Variants in SIGLEC14 observed in about 807,000 individuals in gnomAD.
SIGLEC14 encodes sialic acid-binding Ig-like lectin 14.
SIGLEC14 carries 11 observed loss-of-function variants against 34.2 expected under a neutral mutation model. That is an observed-to-expected ratio of 0.32 (90% CI 0.20 to 0.53). The LOEUF is 0.53. SIGLEC14 is among the 20% of genes least tolerant of loss of function. The pLI, the probability that SIGLEC14 is intolerant of heterozygous loss-of-function variation, is 0.95. For synonymous variants in SIGLEC14, 99 were observed against 179.7 expected (o/e 0.55, Z 3.59); for missense variants, 264 against 439.0 (o/e 0.60, Z 3.56).
In SIGLEC14 at chr19:51,641,335, G is replaced by A. The variant is rs1259816081; in HGVS notation, c.*2020C>T. ...CTTAACCAATATAAAAGACTCTCAC[G>A]GTTGGTGAAAGTGAAAGTTAGTTCA... is the stretch of plus-strand genomic sequence containing the variant. On this transcript the variant is annotated 3_prime_UTR_variant, in exon 7 of 7. Coordinates refer to ENST00000360844, the MANE Select transcript of SIGLEC14 (RefSeq NM_001098612.3). Among the ~76,000 whole-genome samples the A allele has an allele frequency of 1.4e-5, 2 of 139,466 alleles. No homozygotes were observed. The highest frequency in any genetic ancestry group is 3.1e-5 in the Non-Finnish European group (2 of 65,070). The allele number at this position is 139,466 out of a possible 152,430, so 91.5% of individuals were successfully genotyped here.
chr19:51,645,901 C>G lies in SIGLEC14; in HGVS notation c.581G>C (p.Arg194Pro). Residue 194 changes from arginine (R) to proline (P), a missense_variant, in exon 3 of 7, where the codon CGC (arginine) becomes CCC (proline). Coordinates refer to ENST00000360844, the MANE Select transcript of SIGLEC14 (RefSeq NM_001098612.3). ...GGGGGTGAGGGTGAGCTCCGAGGAG[C>G]GGGTGGTCTCGGGGTCCAGGGGGCT... ...ALSPLDPETT[R>P]SSELTLTPRP... is the part of the protein sequence containing the mutation. The G allele has an allele frequency of 1.3e-6, 2 of 1,506,576 alleles. No homozygotes were observed. Among genetic ancestry groups the G allele is most frequent in the Admixed American group, 3.6e-5 (2 of 55,192 alleles). The allele number at this position is 1,506,576 out of a possible 1,614,324, so 93.3% of individuals were successfully genotyped here. A position where few individuals can be genotyped will look rare whatever the true frequency, so the allele number is the denominator to read the frequency against.
At chr19:51,645,585 G>C in intron 3 of SIGLEC14, 55 bp from the exon 4 acceptor site, 1 of 1,498,258 alleles carries the variant, frequency 6.7e-7, no homozygotes, top group Non-Finnish European at 9.0e-7. Flanking sequence ...GATGGGCGTG[G>C]TCCCGGGAGG....
chr19:51,643,471 TGGGGCAGGACAGCTCA>T, intron 6 of SIGLEC14, 50 bp downstream of exon 6: 1 of 1,197,100 alleles, frequency 8.4e-7, no homozygotes, highest in Non-Finnish European at 1.1e-6. Flanking sequence ...TGAGCTGTCC[TGGGGCAGGACAGCTCA>T]GCCCCACCTG....
Position 51,645,747 on chromosome 19 carries a change from C to T in SIGLEC14, c.700+35G>A. On this transcript the variant is annotated intron_variant, in intron 3 of 6. Coordinates refer to ENST00000360844, the MANE Select transcript of SIGLEC14 (RefSeq NM_001098612.3). Reference sequence around the variant, plus strand: ...ACACACCCCCCTCACTCCCACTGCCCTTGGGGACTCAGCTGTGTCCCCAGC... The same window carrying T: ...ACACACCCCCCTCACTCCCACTGCCTTTGGGGACTCAGCTGTGTCCCCAGC... The T allele has an allele frequency of 1.3e-6, 2 of 1,503,436 alleles. 1 individual carries two copies. Among genetic ancestry groups the T allele is most frequent in the Non-Finnish European group, 1.8e-6 (2 of 1,125,908 alleles). The allele number at this position is 1,503,436 out of a possible 1,614,324, so 93.1% of individuals were successfully genotyped here.
In SIGLEC14 at chr19:51,643,378, T is replaced by C. The variant is rs1407552386; in HGVS notation, c.1168A>G (p.Ser390Gly). 2.0e-6 allele frequency: 3 copies of C among 1,520,942 alleles called. No homozygotes were observed. The Admixed American group carries it at 5.3e-5, about 27-fold the overall frequency. The allele number at this position is 1,520,942 out of a possible 1,614,324, so 94.2% of individuals were successfully genotyped here. Residue 390 changes from serine to glycine, a missense_variant, in exon 7 of 7, where the codon AGC becomes GGC. Around this residue, in one of 5 missense-constraint regions of SIGLEC14, gnomAD observed 149 missense variants for 184.4 expected, o/e 0.81. Coordinates refer to ENST00000360844, the MANE Select transcript of SIGLEC14 (RefSeq NM_001098612.3). ...YYTRCGGPQQ[S>G]RAERPG is the part of the protein sequence containing the mutation. Reference sequence around the variant, plus strand: ...GCTCAGCCAGGCCTCTCAGCCCTGCTCTGCTGGGGGCCTCCACACCTGCAG... The same window carrying C: ...GCTCAGCCAGGCCTCTCAGCCCTGCCCTGCTGGGGGCCTCCACACCTGCAG...
chr19:51,643,418 T>C (rs775772798), intron 6 of SIGLEC14, 21 bp from the exon 7 acceptor site: 1 of 1,492,460 alleles, frequency 6.7e-7, no homozygotes, highest in Non-Finnish European at 8.9e-7. Flanking sequence ...AACATGGGCC[T>C]CAGATCAGCA....
rs531839585 is a variant in SIGLEC14, at chr19:51,642,494, T to C, written c.*861A>G. 1 of 109,322 alleles carries C rather than the reference T, an allele frequency of 9.1e-6. No individual in the cohort carries two copies. The highest frequency in any genetic ancestry group is 3.1e-4 in the South Asian group (1 of 3,210). The allele number at this position is 109,322 out of a possible 1,614,324, so 6.8% of individuals were successfully genotyped here. A position where few individuals can be genotyped will look rare whatever the true frequency, so the allele number is the denominator to read the frequency against. On this transcript the variant is annotated 3_prime_UTR_variant, in exon 7 of 7. Coordinates refer to ENST00000360844, the MANE Select transcript of SIGLEC14 (RefSeq NM_001098612.3). Reference sequence around the variant, plus strand: ...CCAGCCTGGGCAACAAGATAGAAACTCTGTCTCAAAGAAAAAAAAAAAAGA... The same window carrying C: ...CCAGCCTGGGCAACAAGATAGAAACCCTGTCTCAAAGAAAAAAAAAAAAGA...
In SIGLEC14 at chr19:51,643,895, G is replaced by A. The variant is rs1312479395; in HGVS notation, c.896C>T (p.Ser299Leu). 6.5e-7 allele frequency: 1 copy of A among 1,534,074 alleles called. No homozygotes were observed. Residue 299 changes from serine to leucine, a missense_variant, in exon 5 of 7, where the codon TCA becomes TTA. This residue lies in a region of SIGLEC14 where 149 missense variants were observed against 184.4 expected (regional missense o/e 0.81). Coordinates refer to ENST00000360844, the MANE Select transcript of SIGLEC14 (RefSeq NM_001098612.3). Reference protein sequence around the residue: ...EGKALNPSQTSMSGTLELPNI... With the variant: ...EGKALNPSQTLMSGTLELPNI... ...AGGCAGCTCCAGGGTCCCAGACATT[G>A]AGGTCTGGGAAGGATTGAGGGCTTT...
Position 51,639,514 on chromosome 19 carries a change from C to T in SIGLEC14, c.*3841G>A, listed in dbSNP as rs905742473. 9 of 139,748 alleles carry T rather than the reference C, an allele frequency of 6.4e-5. 1 individual carries two copies. Among genetic ancestry groups the T allele is most frequent in the African/African-American group, 2.4e-4 (9 of 36,990 alleles). The allele number at this position is 139,748 out of a possible 1,614,324, so 8.7% of individuals were successfully genotyped here. A position where few individuals can be genotyped will look rare whatever the true frequency, so the allele number is the denominator to read the frequency against. Reference sequence around the variant, plus strand: ...CAACAGAAATTTATTTCTCATAATTCTGGAGGTCGGGAAGTCCAAGATCAA... The same window carrying T: ...CAACAGAAATTTATTTCTCATAATTTTGGAGGTCGGGAAGTCCAAGATCAA... On this transcript the variant is annotated 3_prime_UTR_variant, in exon 7 of 7. Transcript: ENST00000360844.
chr19:51,643,460 CTG>C, intron 6 of SIGLEC14, 63 bp from the exon 7 acceptor site: 1 of 1,244,804 alleles, frequency 8.0e-7, no homozygotes, highest in Non-Finnish European at 1.0e-6. Flanking sequence ...CCAGGTGGGG[CTG>C]AGCTGTCCTG....
chr19:51,643,141 A>C lies in SIGLEC14; in HGVS notation c.*214T>G. The C allele has an allele frequency of 2.1e-6, 1 of 471,364 alleles. No homozygotes were observed. Among genetic ancestry groups the C allele is most frequent in the East Asian group, 9.0e-5 (1 of 11,124 alleles). 29.2% of individuals were successfully genotyped at this position (471,364 alleles called of 1,614,324 possible). A position where few individuals can be genotyped will look rare whatever the true frequency, so the allele number is the denominator to read the frequency against. On this transcript the variant is annotated 3_prime_UTR_variant, in exon 7 of 7. Coordinates refer to ENST00000360844, the MANE Select transcript of SIGLEC14 (RefSeq NM_001098612.3). ...GTGGATGGAGAGGGAAGAGAAGGGC[A>C]GGTGGAGAGGGGATGGGGTGCAGAT...
intron 4 of SIGLEC14, among the ~76,000 whole-genome samples, chr19:51,645,135 A>G (rs1345737008): frequency 7.2e-6 from 1 of 139,260 alleles, no homozygotes; most frequent in Admixed American, 6.9e-5. Context: ...CAGTTTTGCC[A>G]GATAAAAGGA....
rs1769117881 is a variant in SIGLEC14, at chr19:51,643,930, G to C, written c.861C>G (p.Phe287Leu). 1.3e-6 allele frequency: 2 copies of C among 1,534,056 alleles called. No individual in the cohort carries two copies. The highest frequency in any genetic ancestry group is 1.7e-5 in the Admixed American group (1 of 58,034). Reference sequence around the variant, plus strand: ...AAGGATTGAGGGCTTTTCCCTCCCGGAACCAGCTCAGTGAGGCAGGGGGGT... The same window carrying C: ...AAGGATTGAGGGCTTTTCCCTCCCGCAACCAGCTCAGTGAGGCAGGGGGGT... ...DSNPPASLSW[F>L]REGKALNPSQ... The change falls in exon 5 of 7, where the codon TTC becomes TTG. Residue 287 changes from phenylalanine to leucine, a missense_variant. By Grantham distance (22) the Phe-to-Leu change is conservative. Around this residue, in one of 5 missense-constraint regions of SIGLEC14, gnomAD observed 149 missense variants for 184.4 expected, o/e 0.81. Transcript: ENST00000360844.
chr19:51,643,976 A>G lies in SIGLEC14; in HGVS notation c.815T>C (p.Leu272Pro), dbSNP rs780156444. 9 of 1,532,372 alleles carry G rather than the reference A, an allele frequency of 5.9e-6. 2 individuals are homozygous for G. In the African/African-American group the frequency reaches 1.2e-4, roughly 20 times the overall value. 94.9% of individuals were successfully genotyped at this position (1,532,372 alleles called of 1,614,324 possible). ...VPIQEGQSLF[L>P]ACTVDSNPPA... ...GGGGTTGCTGTCAACTGTGCAGGCG[A>G]GGAACAGGGACTGGCCCTCCTGGAT... is the stretch of plus-strand genomic sequence containing the variant. The change falls in exon 5 of 7, where the codon CTC becomes CCC. Residue 272 changes from leucine to proline, a missense_variant. Leu to Pro is a moderately conservative substitution (Grantham distance 98, BLOSUM62 -3). Coordinates refer to ENST00000360844, the MANE Select transcript of SIGLEC14 (RefSeq NM_001098612.3).
At chr19:51,643,483 G>GGGGGGGGGGGGCCCCCCCCCCC in intron 6 of SIGLEC14, 54 bp downstream of exon 6, 10 of 1,297,808 alleles carry the variant, frequency 7.7e-6, no homozygotes, top group African/African-American at 1.8e-5. Context: ...GGGCAGGACA[G>GGGGGGGGGGGGCCCCCCCCCCC]CTCAGCCCCA....
rs920171121 is a variant in SIGLEC14 at position 51,639,795 on chromosome 19, T to A, written c.*3560A>T. 1 of 138,964 alleles carries A rather than the reference T, an allele frequency of 7.2e-6. No homozygotes were observed. The highest frequency in any genetic ancestry group is 1.5e-5 in the Non-Finnish European group (1 of 64,990). 8.6% of individuals were successfully genotyped at this position (138,964 alleles called of 1,614,324 possible). ...GAAGACACACATTTCTATTATAGCA[T>A]AAATAAAGTATATCAAGAGTTAAAG... On this transcript the variant is annotated 3_prime_UTR_variant, in exon 7 of 7. Transcript: ENST00000360844.
rs1983946805 is a variant in SIGLEC14 at position 51,643,219 on chromosome 19, A to G, written c.*136T>C. ...TCACAAGCAGAGGGGAATAAGTAGA[A>G]GGGGTATGGGGCAGGAAGGAAAAGA... is the stretch of plus-strand genomic sequence containing the variant. On this transcript the variant is annotated 3_prime_UTR_variant, in exon 7 of 7. Transcript: ENST00000360844. 2.4e-6 allele frequency: 2 copies of G among 823,300 alleles called. No individual in the cohort carries two copies. The highest frequency in any genetic ancestry group is 4.2e-5 in the African/African-American group (2 of 47,316). 51.0% of individuals were successfully genotyped at this position (823,300 alleles called of 1,614,324 possible). A position where few individuals can be genotyped will look rare whatever the true frequency, so the allele number is the denominator to read the frequency against.
At position 51,643,592 on chromosome 19, in the gene SIGLEC14, G is replaced by A. The variant is rs906802855; in HGVS notation, c.1093C>T (p.Leu365Phe). The change falls in exon 6 of 7, where the codon CTC becomes TTC. Residue 365 changes from leucine (L) to phenylalanine (F), a missense_variant. Transcript: ENST00000360844. ...GTGAGGAGGAAGCCAGCCCCCATGA[G>A]AGCCCCCCTGATCAGGGTGAGGACG... ...PLVLTLIRGA[L>F]MGAGFLLTYG... The A allele has an allele frequency of 2.0e-6, 3 of 1,529,780 alleles. No homozygotes were observed. The highest frequency in any genetic ancestry group is 3.5e-5 in the Admixed American group (2 of 57,812). 94.8% of individuals were successfully genotyped at this position (1,529,780 alleles called of 1,614,324 possible).
chr19:51,640,243 G>T lies in SIGLEC14; in HGVS notation c.*3112C>A, dbSNP rs1983879575. ...TTTGAATGGGGAAAAAAAACTACTT[G>T]GGAAATGGGATAAAAGAAAATAGAT... On this transcript the variant is annotated 3_prime_UTR_variant, in exon 7 of 7. Transcript: ENST00000360844. Among the ~76,000 whole-genome samples, 1 of 139,366 alleles carries T rather than the reference G, an allele frequency of 7.2e-6. No homozygotes were observed. Among genetic ancestry groups the T allele is most frequent in the Admixed American group, 6.9e-5 (1 of 14,450 alleles). The allele number at this position is 139,366 out of a possible 152,430, so 91.4% of individuals were successfully genotyped here. A position where few individuals can be genotyped will look rare whatever the true frequency, so the allele number is the denominator to read the frequency against.
Sources: allele counts gnomAD v4.1 joint callset (sites outside exome capture counted in the v4.1 genomes callset), GRCh38; gene constraint gnomAD v4.1.1; regional missense constraint gnomAD v4.1.1; transcripts MANE v1.5; gene names NCBI Gene and HGNC (gene_info 2026-07-23, HGNC 2026-07-21).